BTBD9: variants seen among roughly 807,000 people sequenced by gnomAD.
BTBD9 encodes BTB/POZ domain-containing protein 9.
A neutral mutation model predicts 64.3 loss-of-function variants in BTBD9; 49 were observed. The ratio of observed to expected loss-of-function variants is 0.76; its 90% CI spans 0.61 to 0.97. The LOEUF (loss-of-function observed/expected upper bound fraction) is 0.97, where lower values mean the gene tolerates loss of function less well. Among genes scored for constraint, BTBD9 ranks in the 50% least tolerant of loss-of-function variants. The pLI, the probability that BTBD9 is intolerant of heterozygous loss-of-function variation, is 0.00. For missense variants in BTBD9, 598 were observed against 762.1 expected (o/e 0.78, Z 2.53); for synonymous variants, 260 against 274.7 (o/e 0.95, Z 0.53).
intron 6 of BTBD9, among the ~76,000 whole-genome samples, chr6:38,409,631 T>C (rs1208028690): frequency 6.6e-6 from 1 of 151,886 alleles, no homozygotes; most frequent in Non-Finnish European, 1.5e-5. Context: ...GAGACCATCC[T>C]GGCTAACACA....
At chr6:38,197,574 G>A (rs980887071) in intron 9 of BTBD9, among the ~76,000 whole-genome samples, 5 of 152,186 alleles carry the variant, frequency 3.3e-5, no homozygotes, top group Non-Finnish European at 4.4e-5. Flanking sequence ...TAAAGTCTCC[G>A]TTTCCCGTGT....
chr6:38,539,932 T>C (rs1774194086), intron 6 of BTBD9, among the ~76,000 whole-genome samples: 1 of 152,212 alleles, frequency 6.6e-6, no homozygotes, highest in South Asian at 2.1e-4. Context: ...TAAGTATTTC[T>C]AGCAACTTTT....
intron 7 of BTBD9, among the ~76,000 whole-genome samples, chr6:38,316,043 CT>C (rs1408885232): frequency 6.6e-6 from 1 of 152,130 alleles, no homozygotes; most frequent in African/African-American, 2.4e-5. Context: ...GAGTTGACCC[CT>C]TTATCACTAT....
chr6:38,298,305 A>G (rs1330874773), intron 7 of BTBD9, among the ~76,000 whole-genome samples: 8 of 152,178 alleles, frequency 5.3e-5, no homozygotes, highest in Non-Finnish European at 7.3e-5. Context: ...AATAATCTCT[A>G]AAATTAATAA....
intron 7 of BTBD9, among the ~76,000 whole-genome samples, chr6:38,309,394 CA>C (rs1214612196): frequency 1.3e-5 from 2 of 150,518 alleles, no homozygotes; most frequent in East Asian, 2.0e-4. Flanking sequence ...AACAAACAAA[CA>C]AAAAAACCAC....
At chr6:38,525,309 C>G (rs1773439532) in intron 6 of BTBD9, among the ~76,000 whole-genome samples, 1 of 152,166 alleles carries the variant, frequency 6.6e-6, no homozygotes, top group Non-Finnish European at 1.5e-5. Context: ...CCCCTTCTGC[C>G]ATGATTGTAA....
At chr6:38,570,343 A>G (rs1384482752) in intron 6 of BTBD9, among the ~76,000 whole-genome samples, 1 of 152,188 alleles carries the variant, frequency 6.6e-6, no homozygotes, top group Non-Finnish European at 1.5e-5. Context: ...TGCATCAGCA[A>G]TGTAATGTGG....
intron 6 of BTBD9, among the ~76,000 whole-genome samples, chr6:38,476,362 G>A (rs1451416133): frequency 6.6e-6 from 1 of 152,152 alleles, no homozygotes; most frequent in Non-Finnish European, 1.5e-5. Flanking sequence ...ATGTGCTTAT[G>A]AGCCAGCCTG....
intron 6 of BTBD9, among the ~76,000 whole-genome samples, chr6:38,526,451 G>A (rs577981126): frequency 6.6e-6 from 1 of 152,320 alleles, no homozygotes; most frequent in Admixed American, 6.5e-5. Flanking sequence ...AGGGAAATGT[G>A]GGGTTGGACC....
intron 8 of BTBD9, among the ~76,000 whole-genome samples, chr6:38,283,479 C>G (rs1398460150): frequency 6.6e-6 from 1 of 152,070 alleles, no homozygotes; most frequent in Non-Finnish European, 1.5e-5. Flanking sequence ...AAGACCCTGT[C>G]TCTACAAAAA....
At chr6:38,376,250 G>A (rs1765693913) in intron 6 of BTBD9, among the ~76,000 whole-genome samples, 1 of 152,170 alleles carries the variant, frequency 6.6e-6, no homozygotes, top group South Asian at 2.1e-4. Context: ...AATATTGTAA[G>A]AGTTCAACAC....
chr6:38,304,853 T>G (rs1762566885), intron 7 of BTBD9, among the ~76,000 whole-genome samples: 1 of 152,174 alleles, frequency 6.6e-6, no homozygotes, highest in African/African-American at 2.4e-5. Flanking sequence ...TGGATTTACC[T>G]TCTGTAAATC....
At chr6:38,452,911 C>T (rs1769622020) in intron 6 of BTBD9, among the ~76,000 whole-genome samples, 1 of 152,132 alleles carries the variant, frequency 6.6e-6, no homozygotes, top group Non-Finnish European at 1.5e-5. Context: ...CATCAATTCA[C>T]ATAAAAACAC....
intron 6 of BTBD9, among the ~76,000 whole-genome samples, chr6:38,487,186 T>G (rs2127387149): frequency 6.6e-6 from 1 of 152,332 alleles, no homozygotes; most frequent in Non-Finnish European, 1.5e-5. Context: ...ATAAAGACAT[T>G]TGAAGAACTA....
At chr6:38,336,056 A>C (rs1284132503) in intron 7 of BTBD9, among the ~76,000 whole-genome samples, 1 of 152,060 alleles carries the variant, frequency 6.6e-6, no homozygotes, top group Non-Finnish European at 1.5e-5. Flanking sequence ...TCTCTATAGC[A>C]GTGTGAAAAT....
chr6:38,504,299 ATTC>A (rs1370443850), intron 6 of BTBD9, among the ~76,000 whole-genome samples: 1 of 152,342 alleles, frequency 6.6e-6, no homozygotes, highest in African/African-American at 2.4e-5. Flanking sequence ...CTTTCTAGGA[ATTC>A]TTTTGTGCTT....
Position 38,293,339 on chromosome 6 carries a change from A to G in BTBD9, c.1265-4878T>C, listed in dbSNP as rs1237780728. ...ACTACTTTAAATTTCACATGGAACCAAAAAAGAGCTTGCATAGCCAAGACA... is the reference window on the plus strand; with the variant it reads ...ACTACTTTAAATTTCACATGGAACCGAAAAAGAGCTTGCATAGCCAAGACA... On this transcript the variant is annotated intron_variant, in intron 7 of 10. Coordinates refer to ENST00000481247, the MANE Select transcript of BTBD9 (RefSeq NM_001099272.2). Among the ~76,000 whole-genome samples, 4 of 152,206 alleles carry G rather than the reference A, an allele frequency of 2.6e-5. No individual in the cohort carries two copies. In the East Asian group the frequency reaches 7.7e-4, roughly 29 times the overall value.
intron 6 of BTBD9, among the ~76,000 whole-genome samples, chr6:38,553,370 TGGAGG>T (rs546401902): frequency 5.7e-4 from 87 of 152,266 alleles, no homozygotes; most frequent in African/African-American, 2.0e-3. Context: ...TGATTAGATT[TGGAGG>T]GGGCAGGCTG....
intron 6 of BTBD9, among the ~76,000 whole-genome samples, chr6:38,395,484 T>C (rs1766626449): frequency 6.6e-6 from 1 of 152,180 alleles, no homozygotes. Context: ...GCGCCACCTA[T>C]AAATGAGTAA....
Sources: allele counts gnomAD v4.1 joint callset (sites outside exome capture counted in the v4.1 genomes callset), GRCh38; gene constraint gnomAD v4.1.1; transcripts MANE v1.5; gene names NCBI Gene and HGNC (gene_info 2026-07-23, HGNC 2026-07-21).